The following STRN3 variants were observed in gnomAD, a reference collection of about 807,000 sequenced individuals.
The protein encoded by STRN3 is striatin 3, also known as striatin-3.
Under a neutral mutation model 95.6 loss-of-function variants are expected in STRN3, and 29 were observed. That is an observed-to-expected ratio of 0.30 (90% confidence interval 0.23 to 0.41). STRN3 has a LOEUF of 0.41. Ranked by LOEUF, STRN3 falls within the 10% of genes least tolerant of loss-of-function variation. STRN3 has a pLI of 1.00. For missense variants in STRN3, 890 were observed against 972.1 expected (o/e 0.92, Z 1.12); for synonymous variants, 331 against 357.6 (o/e 0.93, Z 0.84).
intron 3 of STRN3, among the ~76,000 whole-genome samples, chr14:30,954,437 T>G (rs1466104596): frequency 6.6e-6 from 1 of 152,188 alleles, no homozygotes; most frequent in East Asian, 1.9e-4. Context: ...AAAGGCGACA[T>G]TGTTTCATTT....
intron 9 of STRN3, among the ~76,000 whole-genome samples, chr14:30,917,193 A>G (rs1296478350): frequency 6.6e-6 from 1 of 152,190 alleles, no homozygotes; most frequent in African/African-American, 2.4e-5. Context: ...GAAGATCGAT[A>G]CTTCAAAAAC....
chr14:30,959,794 CA>C (rs1260655345), intron 1 of STRN3, among the ~76,000 whole-genome samples: 4 of 150,792 alleles, frequency 2.7e-5, no homozygotes, highest in African/African-American at 9.8e-5. Context: ...ACTCCATCTC[CA>C]AAACTATAAC....
At chr14:31,001,584 A>G (rs1296542907) in intron 1 of STRN3, among the ~76,000 whole-genome samples, 1 of 152,082 alleles carries the variant, frequency 6.6e-6, no homozygotes, top group African/African-American at 2.4e-5. Context: ...TTTTGAGAAA[A>G]GCACCACATC....
rs1883875783 is a variant in STRN3 at position 31,026,035 on chromosome 14, G to C, written c.151C>G (p.Pro51Ala). 6.5e-7 allele frequency: 1 copy of C among 1,537,190 alleles called. No individual in the cohort carries two copies. The highest frequency in any genetic ancestry group is 8.8e-7 in the Non-Finnish European group (1 of 1,141,274). Reference sequence around the variant, plus strand: ...CGGGACAGCTCGGGGCCTGCCGCGGGACCCGCTCCCTCGGAGGCCGGAGGA... The same window carrying C: ...CGGGACAGCTCGGGGCCTGCCGCGGCACCCGCTCCCTCGGAGGCCGGAGGA... The part of the protein sequence containing the change: ...GGPPASEGAG[P>A]AAGPELSRPQ... The change falls in exon 1 of 18, where the codon CCC (proline) becomes GCC (alanine). Residue 51 changes from proline (P) to alanine (A), a missense_variant. Physicochemically the swap from Pro to Ala is conservative, Grantham distance 27 (BLOSUM62 -1). This residue lies in a region of STRN3 where 526 missense variants were observed against 526.3 expected (regional missense o/e 1.00). Transcript: ENST00000357479.
At chr14:30,946,454 G>A (rs939134778) in intron 5 of STRN3, among the ~76,000 whole-genome samples, 8 of 152,120 alleles carry the variant, frequency 5.3e-5, no homozygotes, top group African/African-American at 1.9e-4. Flanking sequence ...TGAGGTGGGA[G>A]GATCACTTGA....
intron 1 of STRN3, among the ~76,000 whole-genome samples, chr14:30,968,673 C>A (rs1880668690): frequency 1.1e-5 from 1 of 91,288 alleles, no homozygotes; most frequent in African/African-American, 3.9e-5. Context: ...AGGGAGACTC[C>A]ATCTCAAAAA....
At chr14:31,022,051 C>T (rs1488818738) in intron 1 of STRN3, among the ~76,000 whole-genome samples, 1 of 152,014 alleles carries the variant, frequency 6.6e-6, no homozygotes, top group African/African-American at 2.4e-5. Context: ...TGTATGAAGG[C>T]TAAAAATCCC....
rs533146338 is a variant in STRN3, at chr14:30,939,040, T to C, written c.717-2416A>G. Among the ~76,000 whole-genome samples, 39 of 152,220 alleles carry C rather than the reference T, an allele frequency of 2.6e-4. No homozygotes were observed. The East Asian group carries it at 7.1e-3, about 28-fold the overall frequency. ...TTCTCCTCAGGAGCACAGAAAGTAA[T>C]AGGATCATGTTTGCTGAATTTCCTT... On this transcript the variant is annotated intron_variant, in intron 5 of 17. Coordinates refer to ENST00000357479, the MANE Select transcript of STRN3 (RefSeq NM_001083893.2).
chr14:31,005,972 C>A (rs763849850), intron 1 of STRN3, among the ~76,000 whole-genome samples: 5 of 151,910 alleles, frequency 3.3e-5, no homozygotes, highest in Non-Finnish European at 5.9e-5. Context: ...CAAAAATTAG[C>A]CAGGTGTGGT....
intron 1 of STRN3, among the ~76,000 whole-genome samples, chr14:30,962,919 G>A (rs1880282904): frequency 6.6e-6 from 1 of 151,874 alleles, no homozygotes; most frequent in Non-Finnish European, 1.5e-5. Context: ...ATTCAGTACA[G>A]TAACATGCTA....
intron 1 of STRN3, among the ~76,000 whole-genome samples, chr14:30,959,071 A>G (rs1880059644): frequency 6.6e-6 from 1 of 152,230 alleles, no homozygotes. Flanking sequence ...TCACACCTGT[A>G]ATCCCAGCAC....
intron 1 of STRN3, among the ~76,000 whole-genome samples, chr14:30,985,933 C>G (rs1431360008): frequency 6.6e-6 from 1 of 152,178 alleles, no homozygotes; most frequent in Non-Finnish European, 1.5e-5. Flanking sequence ...CCACACACCC[C>G]CCTCAGCTCT....
chr14:31,025,384 G>A (rs1407119782), intron 1 of STRN3: 15 of 168,256 alleles, frequency 8.9e-5, no homozygotes. Flanking sequence ...GCCCAGGAAA[G>A]AAGCGTGGCT....
chr14:30,958,766 G>A (rs1427757786), intron 1 of STRN3, among the ~76,000 whole-genome samples: 9 of 152,176 alleles, frequency 5.9e-5, no homozygotes. Context: ...TCCTCTAAGA[G>A]GGTTCTTTTT....
chr14:30,929,964 A>AAAAAAAAAAAC (rs1878421175), intron 7 of STRN3, among the ~76,000 whole-genome samples: 1 of 147,224 alleles, frequency 6.8e-6, no homozygotes, highest in Non-Finnish European at 1.5e-5. Context: ...CAAAAAAAAA[A>AAAAAAAAAAAC]AAAAAAAAAA....
At chr14:30,998,804 T>C (rs1391906721) in intron 1 of STRN3, among the ~76,000 whole-genome samples, 1 of 152,146 alleles carries the variant, frequency 6.6e-6, no homozygotes, top group Non-Finnish European at 1.5e-5. Flanking sequence ...TTCCACATTA[T>C]ATTAAATGTC....
chr14:31,017,362 G>A (rs1883288595), intron 1 of STRN3, among the ~76,000 whole-genome samples: 1 of 147,858 alleles, frequency 6.8e-6, no homozygotes, highest in African/African-American at 2.5e-5. Flanking sequence ...AGCCGGGCGT[G>A]GTGGCGGGTG....
intron 5 of STRN3, among the ~76,000 whole-genome samples, chr14:30,939,701 C>T (rs1466952546): frequency 1.3e-5 from 2 of 152,214 alleles, no homozygotes; most frequent in Non-Finnish European, 1.5e-5. Context: ...CCTGCCCCAT[C>T]CTTCTCTATC....
At chr14:30,967,101 G>A (rs958877523) in intron 1 of STRN3, among the ~76,000 whole-genome samples, 2 of 151,960 alleles carry the variant, frequency 1.3e-5, no homozygotes, top group African/African-American at 2.4e-5. Context: ...TGAGCCTTCC[G>A]CTAATTTCAA....
Sources: allele counts gnomAD v4.1 joint callset (sites outside exome capture counted in the v4.1 genomes callset), GRCh38; gene constraint gnomAD v4.1.1; regional missense constraint gnomAD v4.1.1; transcripts MANE v1.5; gene names NCBI Gene and HGNC (gene_info 2026-07-23, HGNC 2026-07-21).